The following SPON1 variants were observed in gnomAD, a reference collection of about 807,000 sequenced individuals.
The protein encoded by SPON1 is spondin 1.
SPON1 carries 52 observed loss-of-function variants against 111.7 expected under a neutral mutation model. That is an observed-to-expected ratio of 0.47 (90% CI 0.37 to 0.59). The LOEUF (loss-of-function observed/expected upper bound fraction) is 0.59, where lower values mean the gene tolerates loss of function less well. Among genes scored for constraint, SPON1 ranks in the 20% least tolerant of loss-of-function variants. SPON1 has a pLI of 0.00. For missense variants in SPON1, 957 were observed against 1,068.5 expected (o/e 0.90, Z 1.46); for synonymous variants, 410 against 395.8 (o/e 1.04, Z -0.43).
Position 13,962,856 on chromosome 11 carries a change from T to A in SPON1, c.-49T>A. The A allele has an allele frequency of 1.4e-6, 2 of 1,397,316 alleles. No individual in the cohort carries two copies. The highest frequency in any genetic ancestry group is 1.9e-6 in the Non-Finnish European group (2 of 1,078,628). 86.6% of individuals were successfully genotyped at this position (1,397,316 alleles called of 1,614,324 possible). A position where few individuals can be genotyped will look rare whatever the true frequency, so the allele number is the denominator to read the frequency against. ...TCGTCGGGACCACTTCGGGCAGGAG[T>A]CGCGTGGCGAAGGCCTGCGGCCGCG... On this transcript the variant is annotated 5_prime_UTR_variant, in exon 1 of 16. Coordinates refer to ENST00000576479, the MANE Select transcript of SPON1 (RefSeq NM_006108.4).
At chr11:14,036,803 T>G (rs1848597661) in intron 2 of SPON1, among the ~76,000 whole-genome samples, 1 of 146,466 alleles carries the variant, frequency 6.8e-6, no homozygotes, top group East Asian at 2.0e-4. Flanking sequence ...GTGGAGAGAG[T>G]GGATGGGGGA....
intron 2 of SPON1, among the ~76,000 whole-genome samples, chr11:13,994,355 G>C (rs891887255): frequency 6.6e-6 from 1 of 152,166 alleles, no homozygotes; most frequent in African/African-American, 2.4e-5. Context: ...CACTAGGACA[G>C]GTTCCTAGAA....
rs930530905 is a variant in SPON1, at chr11:14,259,785, G to T, written c.1831+84G>T. 2.1e-6 allele frequency: 3 copies of T among 1,429,598 alleles called. No homozygotes were observed. Among genetic ancestry groups the T allele is most frequent in the Non-Finnish European group, 2.8e-6 (3 of 1,059,654 alleles). 88.6% of individuals were successfully genotyped at this position (1,429,598 alleles called of 1,614,324 possible). On this transcript the variant is annotated intron_variant, in intron 13 of 15. Coordinates refer to ENST00000576479, the MANE Select transcript of SPON1 (RefSeq NM_006108.4). The surrounding 1 kb of genome is among the most constrained non-coding windows in gnomAD (Gnocchi z 5.0). ...TGGCATCCACTATTACCACCATAAA[G>T]GTCGGAGGCTGAGCAGAGGAAAGCA...
At chr11:14,100,710 C>A (rs564411964) in intron 5 of SPON1, among the ~76,000 whole-genome samples, 1 of 152,274 alleles carries the variant, frequency 6.6e-6, no homozygotes, top group Admixed American at 6.5e-5. Context: ...ATAAACATTA[C>A]TAAAGTGTTG....
At chr11:14,198,314 G>T (rs987923206) in intron 6 of SPON1, among the ~76,000 whole-genome samples, 1 of 152,164 alleles carries the variant, frequency 6.6e-6, no homozygotes, top group Non-Finnish European at 1.5e-5. Flanking sequence ...CCAAATGCAG[G>T]TGCCTGGAGG....
At chr11:14,162,554 C>T (rs1847978612) in intron 6 of SPON1, among the ~76,000 whole-genome samples, 1 of 152,170 alleles carries the variant, frequency 6.6e-6, no homozygotes, top group South Asian at 2.1e-4. Flanking sequence ...TATAGAACTC[C>T]TGAGTTTTAC....
At chr11:14,235,678 C>CA (rs56925967) in intron 6 of SPON1, among the ~76,000 whole-genome samples, 920 of 71,364 alleles carry the variant, frequency 0.013, 32 homozygotes, top group Middle Eastern at 0.028. Flanking sequence ...GACCCTGCCT[C>CA]AAAAAAAAAA....
chr11:14,008,374 T>C (rs1848379861), intron 2 of SPON1, among the ~76,000 whole-genome samples: 1 of 152,136 alleles, frequency 6.6e-6, no homozygotes, highest in Admixed American at 6.5e-5. Context: ...GCAGGACCAC[T>C]GACCTTGGAG....
At chr11:14,025,048 CTA>C (rs1554915182) in intron 2 of SPON1, among the ~76,000 whole-genome samples, 1 of 152,150 alleles carries the variant, frequency 6.6e-6, no homozygotes, top group African/African-American at 2.4e-5. Context: ...TGGTAGCAAA[CTA>C]GAGTGGGAAG....
chr11:14,046,968 G>A (rs1246580729), intron 3 of SPON1, among the ~76,000 whole-genome samples: 3 of 151,980 alleles, frequency 2.0e-5, no homozygotes, highest in African/African-American at 7.2e-5. Flanking sequence ...TTTGTGAATG[G>A]GATCTTTGTC....
Position 14,259,462 on chromosome 11 carries a change from C to G in SPON1, c.1663+12C>G, listed in dbSNP as rs781882826. On this transcript the variant is annotated intron_variant, in intron 12 of 15. Coordinates refer to ENST00000576479, the MANE Select transcript of SPON1 (RefSeq NM_006108.4). The surrounding 1 kb of genome is among the most constrained non-coding windows in gnomAD (Gnocchi z 5.0). The stretch of plus-strand genomic sequence containing the variant: ...CAACGAGGAGTGCTGTGAGTGGGGG[C>G]CCCGGGCGGGCAGGCGGGCAAGTAG... The G allele has an allele frequency of 1.9e-6, 3 of 1,601,964 alleles. No homozygotes were observed. Among genetic ancestry groups the G allele is most frequent in the Admixed American group, 1.7e-5 (1 of 58,524 alleles).
chr11:14,205,641 A>G (rs1554936114), intron 6 of SPON1, among the ~76,000 whole-genome samples: 1 of 152,202 alleles, frequency 6.6e-6, no homozygotes, highest in East Asian at 1.9e-4. Context: ...AAGCCCATGG[A>G]CAACAACAGT....
intron 3 of SPON1, among the ~76,000 whole-genome samples, chr11:14,073,006 G>A (rs182323854): frequency 2.6e-4 from 39 of 151,930 alleles, no homozygotes; most frequent in African/African-American, 8.7e-4. Flanking sequence ...TTAGATTTGT[G>A]ATTTTTTTTT....
intron 6 of SPON1, among the ~76,000 whole-genome samples, chr11:14,169,629 T>C (rs1399628562): frequency 6.6e-6 from 1 of 151,794 alleles, no homozygotes; most frequent in Non-Finnish European, 1.5e-5. Flanking sequence ...TTTATGGTTT[T>C]AGGTCTAACA....
At position 14,064,441 on chromosome 11, in the gene SPON1, G is replaced by A. The variant is rs559269418; in HGVS notation, c.480-10904G>A. ...GGGATCTGACGAGGCAGAGAGGAGG[G>A]TAGAAGTGAGGAGGAGACATGTGAC... On this transcript the variant is annotated intron_variant, in intron 3 of 15. Transcript: ENST00000576479. 5.3e-5 allele frequency among the ~76,000 whole-genome samples: 8 copies of A among 152,342 alleles called. No homozygotes were observed. The South Asian group carries it at 1.7e-3, about 32-fold the overall frequency.
chr11:14,146,580 G>A (rs1195895657), intron 6 of SPON1, among the ~76,000 whole-genome samples: 1 of 152,050 alleles, frequency 6.6e-6, no homozygotes, highest in Non-Finnish European at 1.5e-5. Flanking sequence ...AAAAATCCCA[G>A]ATAATTTTTT....
chr11:14,207,267 CA>C (rs1554936281), intron 6 of SPON1, among the ~76,000 whole-genome samples: 2 of 151,132 alleles, frequency 1.3e-5, no homozygotes, highest in African/African-American at 4.8e-5. Context: ...ATGTAAAGCC[CA>C]AAACTAACCT....
At chr11:14,046,985 T>C (rs1564893115) in intron 3 of SPON1, among the ~76,000 whole-genome samples, 1 of 152,208 alleles carries the variant, frequency 6.6e-6, no homozygotes, top group African/African-American at 2.4e-5. Flanking sequence ...TGTCTTGTTG[T>C]GCTTTCTAAT....
chr11:14,004,352 C>A (rs1848343006), intron 2 of SPON1, among the ~76,000 whole-genome samples: 1 of 152,164 alleles, frequency 6.6e-6, no homozygotes, highest in Non-Finnish European at 1.5e-5. Flanking sequence ...TAGGTAAATA[C>A]CCAGAAGTCG....
Sources: gnomAD v4.1 joint callset for allele counts (sites outside exome capture counted in the v4.1 genomes callset) on GRCh38, gnomAD v4.1.1 for gene constraint, Gnocchi (gnomAD v3.1) non-coding constraint, MANE v1.5 for transcripts, NCBI Gene and HGNC (gene_info 2026-07-23, HGNC 2026-07-21) for gene names.